Variants in ACSM3 observed in about 807,000 individuals in gnomAD.
ACSM3 encodes acyl-CoA synthetase medium chain family member 3.
In ACSM3, 61 loss-of-function variants were observed where a neutral mutation model predicts 74.1. That is an observed-to-expected ratio of 0.82 (90% CI 0.67 to 1.02). The LOEUF (loss-of-function observed/expected upper bound fraction) is 1.02. Ranked by LOEUF, ACSM3 falls within the 50% of genes least tolerant of loss-of-function variation. The pLI, the probability that ACSM3 is intolerant of heterozygous loss-of-function variation, is 0.00. For synonymous variants in ACSM3, 213 were observed against 241.5 expected, an observed-to-expected ratio of 0.88 and a Z score of 1.09; for missense variants, 660 against 697.0, an observed-to-expected ratio of 0.95 and a Z score of 0.60.
At chr16:20,711,855 G>T (rs903957594) in intron 1 of ACSM3, among the ~76,000 whole-genome samples, 21 of 152,140 alleles carry the variant, frequency 1.4e-4, no homozygotes, top group Admixed American at 3.3e-4. Flanking sequence ...ATGTAGTTCT[G>T]CCTCCATCCT....
chr16:20,778,621 G>A (rs1348407025), intron 4 of ACSM3, among the ~76,000 whole-genome samples: 1 of 152,034 alleles, frequency 6.6e-6, no homozygotes, highest in Non-Finnish European at 1.5e-5. Context: ...TCAAACCCAG[G>A]CAGTATGGGT....
intron 3 of ACSM3, among the ~76,000 whole-genome samples, chr16:20,776,787 T>C (rs932880716): frequency 1.3e-5 from 2 of 152,174 alleles, no homozygotes; most frequent in African/African-American, 4.8e-5. Flanking sequence ...TTATACTTCA[T>C]CTTACAGTGT....
intron 1 of ACSM3, chr16:20,718,363 G>C (rs2152388651): frequency 2.1e-6 from 2 of 950,390 alleles, no homozygotes; most frequent in South Asian, 7.8e-5. Context: ...CGCCTCTGAA[G>C]AGCACAGCTG....
At chr16:20,740,392 C>A (rs2152421228) in intron 1 of ACSM3, among the ~76,000 whole-genome samples, 1 of 152,304 alleles carries the variant, frequency 6.6e-6, no homozygotes, top group Non-Finnish European at 1.5e-5. Flanking sequence ...CAGAGCAAGA[C>A]CGCTTCCAAA....
chr16:20,768,364 C>G (rs1362632037), intron 1 of ACSM3, among the ~76,000 whole-genome samples: 1 of 152,196 alleles, frequency 6.6e-6, no homozygotes, highest in African/African-American at 2.4e-5. Context: ...GCTTTTCACA[C>G]TTGAATGTAC....
chr16:20,785,827 A>T (rs1049920849), intron 8 of ACSM3, among the ~76,000 whole-genome samples: 2 of 152,198 alleles, frequency 1.3e-5, no homozygotes, highest in African/African-American at 4.8e-5. Context: ...CAAGTATGCT[A>T]ATATAAATGC....
At chr16:20,736,142 A>G (rs1395466392) in intron 1 of ACSM3, 1 of 152,220 alleles carries the variant, frequency 6.6e-6, no homozygotes, top group Non-Finnish European at 1.5e-5. Flanking sequence ...GGGACAGGAG[A>G]GCTTGGACTG....
rs116154338 is a variant in ACSM3 at position 20,676,587 on chromosome 16, C to T, written c.-190+1765C>T. On this transcript the variant is annotated intron_variant, in intron 1 of 3. Coordinates refer to the ACSM3 transcript ENST00000561584. ...CTTATTAAAGTGGTTACAAGGTGTACATTAACTGAGTTCAGGAGGCAGAGA... is the reference window on the plus strand; with the variant it reads ...CTTATTAAAGTGGTTACAAGGTGTATATTAACTGAGTTCAGGAGGCAGAGA... Among the ~76,000 whole-genome samples, 212 of 152,172 alleles carry T rather than the reference C, an allele frequency of 1.4e-3. 2 individuals are homozygous for T. The highest frequency in any genetic ancestry group is 4.8e-3 in the African/African-American group (199 of 41,498).
At chr16:20,686,415 A>G (rs1209945536) in intron 1 of ACSM3, among the ~76,000 whole-genome samples, 1 of 152,130 alleles carries the variant, frequency 6.6e-6, no homozygotes, top group Non-Finnish European at 1.5e-5. Flanking sequence ...TGAAAAAGCC[A>G]TACTCAATTC....
chr16:20,733,818 G>A (rs2079846105), intron 1 of ACSM3: 1 of 151,996 alleles, frequency 6.6e-6, no homozygotes, highest in East Asian at 1.9e-4. Context: ...AAAATACAAA[G>A]TTTAACATTC....
At position 20,781,763 on chromosome 16, in the gene ACSM3, T is replaced by C; in HGVS notation, c.995T>C (p.Met332Thr). ...TGTTCAGCACCAACTGTATACCGAA[T>C]GCTTGTACAGAATGATATAACCAGG... ...VFCSAPTVYR[M>T]LVQNDITSYK... Residue 332 changes from methionine (M) to threonine (T), a missense_variant, in exon 7 of 14, where the codon ATG becomes ACG. Transcript: ENST00000289416. The C allele has an allele frequency of 6.2e-7, 1 of 1,612,176 alleles. No individual in the cohort carries two copies. Among genetic ancestry groups the C allele is most frequent in the Non-Finnish European group, 8.5e-7 (1 of 1,178,322 alleles).
chr16:20,776,431 T>A (rs749322045), intron 3 of ACSM3, among the ~76,000 whole-genome samples: 3 of 152,186 alleles, frequency 2.0e-5, no homozygotes, highest in Non-Finnish European at 2.9e-5. Flanking sequence ...TTCCCCAATC[T>A]TCTTGCCTAC....
intron 12 of ACSM3, among the ~76,000 whole-genome samples, chr16:20,794,195 G>C (rs2080668961): frequency 6.6e-6 from 1 of 152,180 alleles, no homozygotes; most frequent in African/African-American, 2.4e-5. Flanking sequence ...GTCCTGCCAG[G>C]CAGGGTAATT....
At chr16:20,756,900 C>A (rs1200418580) in intron 3 of ACSM3, among the ~76,000 whole-genome samples, 1 of 151,952 alleles carries the variant, frequency 6.6e-6, no homozygotes, top group Non-Finnish European at 1.5e-5. Flanking sequence ...GAATCCTTTC[C>A]CCATTGCTTG....
chr16:20,685,832 C>CAAA (rs1469791653), intron 1 of ACSM3, among the ~76,000 whole-genome samples: 2 of 72,132 alleles, frequency 2.8e-5, no homozygotes, highest in South Asian at 5.2e-4. Flanking sequence ...AAAAAAAAAA[C>CAAA]AAACAAAAAA....
In ACSM3 at chr16:20,780,762, C is replaced by T; in HGVS notation, c.687C>T (p.Ile229=). Residue 229 remains isoleucine, a synonymous_variant, in exon 5 of 14, where the codon ATC becomes ATT. Transcript: ENST00000289416. ...HTCVKTKHNE[I]MAIFFTSGTS... The stretch of plus-strand genomic sequence containing the variant: ...GTGTGAAGACAAAACACAATGAGAT[C>T]ATGGCCATATTCTTTACCAGTGGAA... The T allele has an allele frequency of 6.2e-7, 1 of 1,614,184 alleles. No individual in the cohort carries two copies. The highest frequency in any genetic ancestry group is 8.5e-7 in the Non-Finnish European group (1 of 1,180,034).
chr16:20,712,202 T>C (rs1480709145), intron 1 of ACSM3, among the ~76,000 whole-genome samples: 11 of 152,170 alleles, frequency 7.2e-5, no homozygotes, highest in Non-Finnish European at 1.6e-4. Context: ...TCCACACTCA[T>C]TTATTTACAT....
intron 1 of ACSM3, among the ~76,000 whole-genome samples, chr16:20,708,306 C>T (rs140365418): frequency 4.6e-5 from 7 of 151,846 alleles, no homozygotes; most frequent in Non-Finnish European, 1.0e-4. Context: ...GTCTCAAAAA[C>T]AACAACAACA....
chr16:20,701,887 GC>G (rs1221329581), intron 1 of ACSM3, among the ~76,000 whole-genome samples: 5 of 152,112 alleles, frequency 3.3e-5, no homozygotes, highest in African/African-American at 1.2e-4. Context: ...CTTTTTTATG[GC>G]TGCATAGTAT....
Sources: gnomAD v4.1 joint callset for allele counts (sites outside exome capture counted in the v4.1 genomes callset) on GRCh38, gnomAD v4.1.1 for gene constraint, MANE v1.5 for transcripts, NCBI Gene and HGNC (gene_info 2026-07-23, HGNC 2026-07-21) for gene names.